MORC1: variants seen among roughly 807,000 people sequenced by gnomAD.
MORC1 encodes MORC family CW-type zinc finger 1.
Under a neutral mutation model 134.9 loss-of-function variants are expected in MORC1, and 59 were observed. The ratio of observed to expected loss-of-function variants is 0.44; its 90% CI spans 0.35 to 0.54. The LOEUF is 0.54. Among genes scored for constraint, MORC1 ranks in the 20% least tolerant of loss-of-function variants. The pLI is 0.00. For synonymous variants in MORC1, 395 were observed against 391.7 expected (o/e 1.01, Z -0.10); for missense variants, 947 against 1,134.5 (o/e 0.83, Z 2.37).
At chr3:109,043,410 C>T (rs555549605) in intron 14 of MORC1, among the ~76,000 whole-genome samples, 1 of 151,956 alleles carries the variant, frequency 6.6e-6, no homozygotes, top group Non-Finnish European at 1.5e-5. Flanking sequence ...GATGGAAAAG[C>T]GGGGAATTGG....
Position 109,099,407 on chromosome 3 carries a change from G to T in MORC1, c.374C>A (p.Thr125Asn). The T allele has an allele frequency of 6.2e-7, 1 of 1,612,968 alleles. No homozygotes were observed. Among genetic ancestry groups the T allele is most frequent in the Non-Finnish European group, 8.5e-7 (1 of 1,179,610 alleles). Residue 125 changes from threonine to asparagine, a missense_variant, in exon 6 of 28, where the codon ACC (threonine) becomes AAC (asparagine). This residue lies in a region of MORC1 where 214 missense variants were observed against 281.3 expected (regional missense o/e 0.76). Transcript: ENST00000232603. ...ILFTKKEETM[T>N]CVFFSQTFCE... ...GAATGTCTGAGAAAAAAACACACAG[G>T]TCATCGTTTCTTCCTTCTTCGTAAA...
At chr3:108,992,014 C>T (rs1485229701) in intron 21 of MORC1, among the ~76,000 whole-genome samples, 1 of 152,070 alleles carries the variant, frequency 6.6e-6, no homozygotes, top group East Asian at 1.9e-4. Flanking sequence ...CAGTCCAAGC[C>T]ATTATCCCAA....
At chr3:108,990,898 T>TCTCTCTC (rs1559876202) in intron 21 of MORC1, among the ~76,000 whole-genome samples, 3 of 145,662 alleles carry the variant, frequency 2.1e-5, no homozygotes, top group African/African-American at 7.6e-5. Flanking sequence ...GTTTCTCTCT[T>TCTCTCTC]TCTCTCTCTC....
In MORC1 at chr3:109,052,062, A is replaced by G. The variant is rs527792976; in HGVS notation, c.1330+2666T>C. Among the ~76,000 whole-genome samples the G allele has an allele frequency of 2.0e-5, 3 of 152,318 alleles. No homozygotes were observed. In the South Asian group the frequency reaches 6.2e-4, roughly 32 times the overall value. On this transcript the variant is annotated intron_variant, in intron 14 of 27. Transcript: ENST00000232603. The stretch of plus-strand genomic sequence containing the variant: ...GGATTACAGCGAAGACAAGAGGAGT[A>G]TGGGGAGGTTCATGATTTTCAAATG...
At chr3:109,050,366 C>A (rs1949793500) in intron 14 of MORC1, among the ~76,000 whole-genome samples, 1 of 152,176 alleles carries the variant, frequency 6.6e-6, no homozygotes, top group African/African-American at 2.4e-5. Flanking sequence ...GATTCTGAGT[C>A]TGGTGAGGGC....
chr3:109,082,976 A>AT, intron 8 of MORC1, among the ~76,000 whole-genome samples: 1 of 152,182 alleles, frequency 6.6e-6, no homozygotes, highest in East Asian at 1.9e-4. Flanking sequence ...ACCCCAATGC[A>AT]TATAAGAATC....
At chr3:109,000,213 T>C (rs1336957683) in intron 21 of MORC1, among the ~76,000 whole-genome samples, 1 of 152,212 alleles carries the variant, frequency 6.6e-6, no homozygotes, top group Non-Finnish European at 1.5e-5. Context: ...GAAAGGTTCA[T>C]ATTCTTCGGA....
chr3:109,067,599 T>C (rs984443128), intron 9 of MORC1, among the ~76,000 whole-genome samples: 6 of 152,166 alleles, frequency 3.9e-5, no homozygotes, highest in Non-Finnish European at 8.8e-5. Flanking sequence ...ACGAGAGAAA[T>C]TTAATGTGAA....
At chr3:108,981,303 A>G (rs1947712050) in intron 23 of MORC1, among the ~76,000 whole-genome samples, 1 of 152,178 alleles carries the variant, frequency 6.6e-6, no homozygotes, top group South Asian at 2.1e-4. Flanking sequence ...TTAAAATTGG[A>G]TAACAGTTTA....
intron 14 of MORC1, among the ~76,000 whole-genome samples, chr3:109,038,287 GTTT>G (rs137911536): frequency 6.8e-6 from 1 of 146,702 alleles, no homozygotes; most frequent in Non-Finnish European, 1.5e-5. Flanking sequence ...TGTTGATGGG[GTTT>G]TTTTTTTTTG....
chr3:109,040,808 TG>T (rs1399918927), intron 14 of MORC1, among the ~76,000 whole-genome samples: 1 of 117,432 alleles, frequency 8.5e-6, no homozygotes, highest in Admixed American at 9.6e-5. Context: ...CCAGACTGGC[TG>T]ACAGAGTAAA....
chr3:109,055,819 A>T (rs1048903171), intron 13 of MORC1, among the ~76,000 whole-genome samples: 1 of 152,180 alleles, frequency 6.6e-6, no homozygotes, highest in East Asian at 1.9e-4. Context: ...TAAATATACA[A>T]GATCATTTCA....
At chr3:109,040,157 G>A (rs1028700784) in intron 14 of MORC1, among the ~76,000 whole-genome samples, 6 of 151,300 alleles carry the variant, frequency 4.0e-5, no homozygotes, top group African/African-American at 7.3e-5. Flanking sequence ...TCTGATTTCC[G>A]GAAATACAAC....
intron 8 of MORC1, among the ~76,000 whole-genome samples, chr3:109,086,691 T>A (rs1419940093): frequency 1.3e-5 from 2 of 151,984 alleles, no homozygotes; most frequent in Non-Finnish European, 2.9e-5. Flanking sequence ...AAAATTAAAA[T>A]CAACCTGAAT....
chr3:109,103,364 A>G lies in MORC1; in HGVS notation c.223+485T>C, dbSNP rs372243781. 1.8e-4 allele frequency among the ~76,000 whole-genome samples: 27 copies of G among 152,362 alleles called. No homozygotes were observed. The South Asian group carries it at 5.6e-3, about 32-fold the overall frequency. On this transcript the variant is annotated intron_variant, in intron 4 of 27. Coordinates refer to ENST00000232603, the MANE Select transcript of MORC1 (RefSeq NM_014429.4). ...TGTAGATGTATTCTTTATGATGGGA[A>G]CATTCATTTGAAGCAAGTAAAGCTT...
chr3:109,067,179 C>T (rs146761990), intron 9 of MORC1, among the ~76,000 whole-genome samples: 73 of 152,282 alleles, frequency 4.8e-4, no homozygotes, highest in African/African-American at 1.7e-3. Flanking sequence ...CCCATCCCAA[C>T]TCATTTGGGC....
chr3:109,024,887 T>C (rs534194646), intron 17 of MORC1, among the ~76,000 whole-genome samples: 1 of 152,358 alleles, frequency 6.6e-6, no homozygotes, highest in South Asian at 2.1e-4. Context: ...TTTCCCATCC[T>C]TTCTTATCTC....
chr3:109,041,449 C>T (rs951984182), intron 14 of MORC1, among the ~76,000 whole-genome samples: 2 of 152,080 alleles, frequency 1.3e-5, no homozygotes, highest in African/African-American at 2.4e-5. Context: ...CAGTGGCTCA[C>T]ACCTGTAATT....
chr3:108,983,482 G>T (rs1947808895), intron 23 of MORC1, among the ~76,000 whole-genome samples: 1 of 152,166 alleles, frequency 6.6e-6, no homozygotes, highest in Non-Finnish European at 1.5e-5. Flanking sequence ...TGTCAGAAAT[G>T]AGATGGGCTA....
Sources: allele counts gnomAD v4.1 joint callset (sites outside exome capture counted in the v4.1 genomes callset), GRCh38; gene constraint gnomAD v4.1.1; regional missense constraint gnomAD v4.1.1; transcripts MANE v1.5; gene names NCBI Gene and HGNC (gene_info 2026-07-23, HGNC 2026-07-21).